Variants in ADAM32 observed in about 807,000 individuals in gnomAD.
ADAM32 encodes disintegrin and metalloproteinase domain-containing protein 32.
ADAM32 carries 89 observed loss-of-function variants against 114.9 expected under a neutral mutation model. The observed-to-expected ratio is 0.77, with a 90% CI of 0.65 to 0.92. The LOEUF (loss-of-function observed/expected upper bound fraction) is 0.92, where lower values mean the gene tolerates loss of function less well. ADAM32 is among the 40% of genes least tolerant of loss of function. ADAM32 has a pLI of 0.00. For missense variants in ADAM32, 870 were observed against 932.8 expected, an observed-to-expected ratio of 0.93 and a Z score of 0.88; for synonymous variants, 285 against 307.5, an observed-to-expected ratio of 0.93 and a Z score of 0.77.
At chr8:39,112,393 G>C (rs1227842866) in intron 1 of ADAM32, among the ~76,000 whole-genome samples, 1 of 151,794 alleles carries the variant, frequency 6.6e-6, no homozygotes, top group Non-Finnish European at 1.5e-5. Flanking sequence ...CCTGATTTTT[G>C]TACTAAGTTT....
At chr8:39,110,192 C>T (rs1014859261) in intron 1 of ADAM32, among the ~76,000 whole-genome samples, 3 of 152,138 alleles carry the variant, frequency 2.0e-5, no homozygotes, top group Non-Finnish European at 4.4e-5. Context: ...CCTCAGCCTC[C>T]CAAATAGCTG....
intron 6 of ADAM32, among the ~76,000 whole-genome samples, chr8:39,152,486 C>A (rs1803890437): frequency 6.6e-6 from 1 of 151,710 alleles, no homozygotes; most frequent in Admixed American, 6.6e-5. Context: ...CTTTGGGAGC[C>A]CAAGTTGGGT....
In ADAM32 at chr8:39,242,529, G is replaced by C. The variant is rs184707306; in HGVS notation, c.1819-3554G>C. On this transcript the variant is annotated intron_variant, in intron 16 of 24. Transcript: ENST00000379907. ...GAAAGATACATATTAGCAGACAAGAGAAGAGAGCTTGTGCAGTGAATCTCC... is the reference window on the plus strand; with the variant it reads ...GAAAGATACATATTAGCAGACAAGACAAGAGAGCTTGTGCAGTGAATCTCC... Among the ~76,000 whole-genome samples, 345 of 152,320 alleles carry C rather than the reference G, an allele frequency of 2.3e-3. 2 individuals are homozygous for C. Among genetic ancestry groups the C allele is most frequent in the African/African-American group, 7.3e-3 (304 of 41,560 alleles).
At chr8:39,243,305 A>G (rs1162147077) in intron 16 of ADAM32, among the ~76,000 whole-genome samples, 1 of 152,210 alleles carries the variant, frequency 6.6e-6, no homozygotes, top group Admixed American at 6.5e-5. Flanking sequence ...TCACCCTAAT[A>G]TCAAAACCAG....
intron 10 of ADAM32, among the ~76,000 whole-genome samples, chr8:39,176,474 A>G (rs1200378280): frequency 1.3e-5 from 2 of 152,090 alleles, no homozygotes; most frequent in Non-Finnish European, 1.5e-5. Context: ...AGGTTGTTCA[A>G]TGCTTATGTA....
chr8:39,244,595 C>A (rs1202102855), intron 16 of ADAM32, among the ~76,000 whole-genome samples: 3 of 152,124 alleles, frequency 2.0e-5, no homozygotes, highest in Non-Finnish European at 4.4e-5. Context: ...TGGCAAGCCA[C>A]ATGTAGAAAA....
chr8:39,164,790 G>A lies in ADAM32; in HGVS notation c.621G>A (p.Met207Ile), dbSNP rs2129446195. ...TLYDYWGSDS[M>I]IVTNKVIEIV... ...ATGATTACTGGGGCTCTGATAGCAT[G>A]ATAGTAACAAATAAAGTCATCGAAA... Residue 207 changes from methionine to isoleucine, a missense_variant, in exon 8 of 25, where the codon ATG becomes ATA. Physicochemically the swap from Met to Ile is conservative, Grantham distance 10 (BLOSUM62 1). Coordinates refer to ENST00000379907, the MANE Select transcript of ADAM32 (RefSeq NM_145004.7). 2 of 1,607,130 alleles carry A rather than the reference G, an allele frequency of 1.2e-6. No individual in the cohort carries two copies. Among genetic ancestry groups the A allele is most frequent in the South Asian group, 2.2e-5 (2 of 89,418 alleles).
chr8:39,256,654 G>T (rs903712917), intron 18 of ADAM32, among the ~76,000 whole-genome samples: 4 of 151,972 alleles, frequency 2.6e-5, no homozygotes, highest in Non-Finnish European at 4.4e-5. Flanking sequence ...ATATGTTTAG[G>T]TCTATGTATC....
chr8:39,265,625 G>T (rs1285055084), intron 19 of ADAM32, among the ~76,000 whole-genome samples: 2 of 152,194 alleles, frequency 1.3e-5, no homozygotes, highest in African/African-American at 2.4e-5. Flanking sequence ...TGTGGTGGCA[G>T]GTAGCTGGTT....
chr8:39,254,323 C>A, intron 17 of ADAM32, 91 bp from the exon 18 acceptor site: 4 of 976,982 alleles, frequency 4.1e-6, no homozygotes, highest in African/African-American at 1.8e-5. Context: ...AACAAAATTA[C>A]ACTAGATTAT....
At chr8:39,190,230 C>G (rs1348072980) in intron 11 of ADAM32, among the ~76,000 whole-genome samples, 1 of 152,138 alleles carries the variant, frequency 6.6e-6, no homozygotes, top group Non-Finnish European at 1.5e-5. Flanking sequence ...AAGTTTACTT[C>G]TTTTCTATGG....
intron 3 of ADAM32, among the ~76,000 whole-genome samples, chr8:39,145,539 T>G (rs1803455044): frequency 6.6e-6 from 1 of 152,018 alleles, no homozygotes; most frequent in Non-Finnish European, 1.5e-5. Context: ...TGGAAACATT[T>G]AAGGGATGAA....
At chr8:39,114,071 T>G (rs944051619) in intron 1 of ADAM32, among the ~76,000 whole-genome samples, 1 of 152,236 alleles carries the variant, frequency 6.6e-6, no homozygotes, top group Non-Finnish European at 1.5e-5. Context: ...GCTAGTTCAT[T>G]TCACAAAATC....
At chr8:39,273,231 C>A (rs1812842706) in intron 20 of ADAM32, among the ~76,000 whole-genome samples, 2 of 152,104 alleles carry the variant, frequency 1.3e-5, no homozygotes, top group South Asian at 4.1e-4. Context: ...ATAGGCCTGG[C>A]GCGGTGGCTC....
At position 39,234,089 on chromosome 8, in the gene ADAM32, A is replaced by G; in HGVS notation, c.1818+7A>G. Reference sequence around the variant, plus strand: ...TCAGTGTGATATTGGGAGGGTAAATAATTTAAAATCTATTTAAAAAATATA... The same window carrying G: ...TCAGTGTGATATTGGGAGGGTAAATGATTTAAAATCTATTTAAAAAATATA... On this transcript the variant is annotated splice_region_variant and intron_variant, in intron 16 of 24. Coordinates refer to ENST00000379907, the MANE Select transcript of ADAM32 (RefSeq NM_145004.7). 2 of 1,337,372 alleles carry G rather than the reference A, an allele frequency of 1.5e-6. No homozygotes were observed. The highest frequency in any genetic ancestry group is 1.9e-6 in the Non-Finnish European group (2 of 1,032,248). The allele number at this position is 1,337,372 out of a possible 1,614,324, so 82.8% of individuals were successfully genotyped here.
chr8:39,206,810 T>G (rs1270209828), intron 11 of ADAM32, among the ~76,000 whole-genome samples: 3 of 152,016 alleles, frequency 2.0e-5, no homozygotes, highest in Non-Finnish European at 4.4e-5. Flanking sequence ...GATGTGGAGA[T>G]GCTGGAACTG....
rs746930464 is a variant in ADAM32, at chr8:39,172,262, A to AT, written c.915+2275dup. Among the ~76,000 whole-genome samples the AT allele has an allele frequency of 5.8e-3, 871 of 149,700 alleles. 3 individuals are homozygous for AT. The highest frequency in any genetic ancestry group is 6.8e-3 in the African/African-American group (278 of 40,932). On this transcript the variant is annotated intron_variant, in intron 10 of 24. Coordinates refer to ENST00000379907, the MANE Select transcript of ADAM32 (RefSeq NM_145004.7). ...TACTACTTTTCTGGAATAACTCTTG[A>AT]TTTTTTTTTTAACACAGTGTATATG... is the stretch of plus-strand genomic sequence containing the variant.
intron 2 of ADAM32, among the ~76,000 whole-genome samples, chr8:39,123,457 G>A (rs538631128): frequency 3.9e-5 from 6 of 152,096 alleles, no homozygotes; most frequent in African/African-American, 9.6e-5. Context: ...GGATTTGGTC[G>A]GGGGGCACAA....
intron 10 of ADAM32, among the ~76,000 whole-genome samples, chr8:39,183,338 C>G (rs1256896516): frequency 5.3e-5 from 8 of 152,172 alleles, no homozygotes; most frequent in Admixed American, 5.2e-4. Flanking sequence ...GAGTGAGCCT[C>G]TCACAAATGG....
Sources: allele counts gnomAD v4.1 joint callset (sites outside exome capture counted in the v4.1 genomes callset), GRCh38; gene constraint gnomAD v4.1.1; transcripts MANE v1.5; gene names NCBI Gene and HGNC (gene_info 2026-07-23, HGNC 2026-07-21).